USP31: variants seen among roughly 807,000 people sequenced by gnomAD.
The protein encoded by USP31 is ubiquitin carboxyl-terminal hydrolase 31.
USP31 carries 44 observed loss-of-function variants against 119.4 expected under a neutral mutation model. That is an observed-to-expected ratio of 0.37 (90% confidence interval 0.29 to 0.47). The LOEUF is 0.47. Among genes scored for constraint, USP31 ranks in the 20% least tolerant of loss-of-function variants. The pLI is 0.99. For missense variants in USP31, 1,643 were observed against 1,730.2 expected, an observed-to-expected ratio of 0.95 and a Z score of 0.89; for synonymous variants, 749 against 705.6, an observed-to-expected ratio of 1.06 and a Z score of -0.97.
In USP31 at chr16:23,117,730, A is replaced by T. The variant is rs796281028; in HGVS notation, c.634-9547T>A. ...CCAGGGTTCAAGTTCTCATTCTACT[A>T]CGTTTGATTTTTTTCCTTTTCTTTT... On this transcript the variant is annotated intron_variant, in intron 1 of 15. Coordinates refer to ENST00000219689, the MANE Select transcript of USP31 (RefSeq NM_020718.4). Among the ~76,000 whole-genome samples, 34 of 150,736 alleles carry T rather than the reference A, an allele frequency of 2.3e-4. 1 individual carries two copies. Among genetic ancestry groups the T allele is most frequent in the African/African-American group, 7.8e-4 (32 of 41,104 alleles).
intron 1 of USP31, among the ~76,000 whole-genome samples, chr16:23,143,886 G>A (rs1903429815): frequency 6.6e-6 from 1 of 152,176 alleles, no homozygotes; most frequent in East Asian, 1.9e-4. Flanking sequence ...GGGGGTGGGG[G>A]CAGGGTGGGG....
Position 23,069,619 on chromosome 16 carries a change from G to A in USP31, c.2489-3C>T. On this transcript the variant is annotated splice_region_variant and splice_polypyrimidine_tract_variant and intron_variant, in intron 15 of 15. Transcript: ENST00000219689. The stretch of plus-strand genomic sequence containing the variant: ...AAATGGTCGAGTTGAAAAGCCTCCT[G>A]AACACAGTAAAGAGAATACTGTTAA... 6.9e-6 allele frequency: 11 copies of A among 1,600,886 alleles called. No homozygotes were observed. Among genetic ancestry groups the A allele is most frequent in the Non-Finnish European group, 9.4e-6 (11 of 1,171,288 alleles).
rs1433057009 is a variant in USP31 at position 23,149,037 on chromosome 16, A to T, written c.234T>A (p.Leu78=). The T allele has an allele frequency of 9.0e-6, 11 of 1,217,688 alleles. No homozygotes were observed. Among genetic ancestry groups the T allele is most frequent in the African/African-American group, 1.6e-5 (1 of 61,954 alleles). The allele number at this position is 1,217,688 out of a possible 1,614,324, so 75.4% of individuals were successfully genotyped here. ...GGTCTGGGGCGGCGCCCTCAGAGCT[A>T]AGGTGCGAGAGCGTGGACAGCGTCT... The part of the protein sequence containing the change: ...VLKTLSTLSH[L]SSEGAAPDRG... Residue 78 remains leucine (L), a synonymous_variant, in exon 1 of 16, where the codon CTT becomes CTA. Transcript: ENST00000219689.
intron 1 of USP31, among the ~76,000 whole-genome samples, chr16:23,132,211 A>G (rs1190035743): frequency 6.6e-6 from 1 of 152,248 alleles, no homozygotes; most frequent in Non-Finnish European, 1.5e-5. Flanking sequence ...TTTGAGGAAC[A>G]GCCAATGAAC....
Position 23,148,698 on chromosome 16 carries a change from C to T in USP31, c.573G>A (p.Ala191=). Reference sequence around the variant, plus strand: ...GGGTCCAGAGGGCCCGCACCAGGTGCGCCAGCTGCTCAGTGACCTCGCCCT... The same window carrying T: ...GGGTCCAGAGGGCCCGCACCAGGTGTGCCAGCTGCTCAGTGACCTCGCCCT... ...QGQGEVTEQL[A]HLVRALWTLE... is the part of the protein sequence containing the mutation. The change falls in exon 1 of 16, where the codon GCG becomes GCA. Residue 191 remains alanine (A), a synonymous_variant. Transcript: ENST00000219689. 6.7e-7 allele frequency: 1 copy of T among 1,492,618 alleles called. No homozygotes were observed. Among genetic ancestry groups the T allele is most frequent in the South Asian group, 1.3e-5 (1 of 78,074 alleles). 92.5% of individuals were successfully genotyped at this position (1,492,618 alleles called of 1,614,324 possible). A position where few individuals can be genotyped will look rare whatever the true frequency, so the allele number is the denominator to read the frequency against.
chr16:23,127,713 C>T (rs1054567580), intron 1 of USP31, among the ~76,000 whole-genome samples: 3 of 149,772 alleles, frequency 2.0e-5, no homozygotes, highest in Admixed American at 6.7e-5. Flanking sequence ...CTCCTGACCT[C>T]GTGATCCACC....
At position 23,148,775 on chromosome 16, in the gene USP31, G is replaced by T; in HGVS notation, c.496C>A (p.Pro166Thr). ...LALGQYRAGR[P>T]EPSPDPEQPA... ...TGCTCCGGGTCAGGCGAGGGCTCGG[G>T]CCGCCCCGCCCGGTACTGGCCCAGC... Residue 166 changes from proline to threonine, a missense_variant, in exon 1 of 16, where the codon CCC (proline) becomes ACC (threonine). Around this residue, in one of 5 missense-constraint regions of USP31, gnomAD observed 302 missense variants for 262.6 expected, o/e 1.15. Coordinates refer to ENST00000219689, the MANE Select transcript of USP31 (RefSeq NM_020718.4). The T allele has an allele frequency of 6.5e-7, 1 of 1,531,976 alleles. No individual in the cohort carries two copies. The highest frequency in any genetic ancestry group is 8.7e-7 in the Non-Finnish European group (1 of 1,144,950). 94.9% of individuals were successfully genotyped at this position (1,531,976 alleles called of 1,614,324 possible).
chr16:23,148,776 C>T lies in USP31; in HGVS notation c.495G>A (p.Arg165=), dbSNP rs1376016090. ...GCTCCGGGTCAGGCGAGGGCTCGGG[C>T]CGCCCCGCCCGGTACTGGCCCAGCG... ...YLALGQYRAG[R]PEPSPDPEQP... is the part of the protein sequence containing the mutation. Residue 165 remains arginine, a synonymous_variant, in exon 1 of 16, where the codon CGG becomes CGA. Transcript: ENST00000219689. 1 of 1,531,014 alleles carries T rather than the reference C, an allele frequency of 6.5e-7. No homozygotes were observed. Among genetic ancestry groups the T allele is most frequent in the South Asian group, 1.2e-5 (1 of 80,668 alleles). The allele number at this position is 1,531,014 out of a possible 1,614,324, so 94.8% of individuals were successfully genotyped here.
In USP31 at chr16:23,149,226, C is replaced by A. The variant is rs1903644186; in HGVS notation, c.45G>T (p.Ala15=). ...TAPGSGPPAA[A]SGKEKRSFSK... is the part of the protein sequence containing the mutation. ...TGAAGGAGCGCTTCTCCTTCCCGCT[C>A]GCCGCCGCCGGCGGCCCGGACCCAG... is the stretch of plus-strand genomic sequence containing the variant. The change falls in exon 1 of 16, where the codon GCG becomes GCT. Residue 15 remains alanine (A), a synonymous_variant. Coordinates refer to ENST00000219689, the MANE Select transcript of USP31 (RefSeq NM_020718.4). 2.0e-5 allele frequency: 23 copies of A among 1,130,454 alleles called. No homozygotes were observed. The highest frequency in any genetic ancestry group is 2.4e-5 in the Non-Finnish European group (22 of 921,234). 70.0% of individuals were successfully genotyped at this position (1,130,454 alleles called of 1,614,324 possible).
At chr16:23,141,990 C>T (rs902031951) in intron 1 of USP31, among the ~76,000 whole-genome samples, 1 of 152,262 alleles carries the variant, frequency 6.6e-6, no homozygotes, top group Non-Finnish European at 1.5e-5. Flanking sequence ...CTCATCAGTA[C>T]AACTTAAAAC....
chr16:23,102,196 T>C (rs1287185685), intron 6 of USP31, 123 bp downstream of exon 6: 1 of 1,082,022 alleles, frequency 9.2e-7, no homozygotes, highest in Non-Finnish European at 1.3e-6. Context: ...CATTAAAAAA[T>C]CATGTGTATT....
In USP31 at chr16:23,105,542, A is replaced by T; in HGVS notation, c.988T>A (p.Cys330Ser). ...ACACCAATCCTCATGCAGTGAGAAC[A>T]TTTGCCTTGATACACTACAGTGACA... ...LYVTVVYQGK[C>S]SHCMRIGVAV... The change falls in exon 5 of 16, where the codon TGT becomes AGT. Residue 330 changes from cysteine (C) to serine (S), a missense_variant. Transcript: ENST00000219689. 6.2e-7 allele frequency: 1 copy of T among 1,614,098 alleles called. No homozygotes were observed. Among genetic ancestry groups the T allele is most frequent in the African/African-American group, 1.3e-5 (1 of 75,034 alleles).
At chr16:23,147,759 T>A (rs1167816901) in intron 1 of USP31, among the ~76,000 whole-genome samples, 1 of 152,082 alleles carries the variant, frequency 6.6e-6, no homozygotes, top group Non-Finnish European at 1.5e-5. Flanking sequence ...AAAACCCCCG[T>A]CTCTACAAAA....
At chr16:23,105,786 A>T (rs1176163442) in intron 4 of USP31, among the ~76,000 whole-genome samples, 5 of 152,014 alleles carry the variant, frequency 3.3e-5, no homozygotes, top group African/African-American at 1.2e-4. Flanking sequence ...TCATAAAATG[A>T]ACATTCTATG....
intron 6 of USP31, among the ~76,000 whole-genome samples, chr16:23,092,014 A>G (rs1901384225): frequency 6.6e-6 from 1 of 152,178 alleles, no homozygotes; most frequent in Non-Finnish European, 1.5e-5. Flanking sequence ...CTGACGAGAT[A>G]AGGGGATGCC....
At chr16:23,103,057 T>A (rs1000335931) in intron 5 of USP31, among the ~76,000 whole-genome samples, 7 of 152,228 alleles carry the variant, frequency 4.6e-5, no homozygotes, top group African/African-American at 1.7e-4. Context: ...GGGACACCTG[T>A]ACTCTGATGC....
In USP31 at chr16:23,115,516, A is replaced by C. The variant is rs908312624; in HGVS notation, c.634-7333T>G. On this transcript the variant is annotated intron_variant, in intron 1 of 15. Coordinates refer to ENST00000219689, the MANE Select transcript of USP31 (RefSeq NM_020718.4). ...TTTAAAATAAATAAAAAGAAAATAG[A>C]AAAGAAAAGAAAAAATAGAACATGC... Among the ~76,000 whole-genome samples, 3 of 152,202 alleles carry C rather than the reference A, an allele frequency of 2.0e-5. No individual in the cohort carries two copies. In the East Asian group the frequency reaches 5.8e-4, roughly 29 times the overall value.
At position 23,082,542 on chromosome 16, in the gene USP31, C is replaced by A; in HGVS notation, c.1846G>T (p.Ala616Ser). ...TGCTTACAGTGTGGGCAACGCCAGG[C>A]ATCATCGGGGGCAAGCTGAAAACAG... ...TKEERLAPDD[A>S]WRCPHCKQLQ... The change falls in exon 12 of 16, where the codon GCC becomes TCC. Residue 616 changes from alanine to serine, a missense_variant. Transcript: ENST00000219689. 1 of 1,614,156 alleles carries A rather than the reference C, an allele frequency of 6.2e-7. No homozygotes were observed. The highest frequency in any genetic ancestry group is 8.5e-7 in the Non-Finnish European group (1 of 1,180,028).
chr16:23,082,975 C>T (rs1435315674), intron 11 of USP31, among the ~76,000 whole-genome samples: 1 of 151,812 alleles, frequency 6.6e-6, no homozygotes, highest in Non-Finnish European at 1.5e-5. Context: ...GGACCACAGG[C>T]ATGCATCACC....
Sources: gnomAD v4.1 joint callset for allele counts (sites outside exome capture counted in the v4.1 genomes callset) on GRCh38, gnomAD v4.1.1 for gene constraint, gnomAD v4.1.1 regional missense constraint, MANE v1.5 for transcripts, NCBI Gene and HGNC (gene_info 2026-07-23, HGNC 2026-07-21) for gene names.